CCDC40: variants seen among roughly 807,000 people sequenced by gnomAD.
CCDC40 encodes the protein coiled-coil domain-containing protein 40.
A neutral mutation model predicts 124.5 loss-of-function variants in CCDC40; 104 were observed. The ratio of observed to expected loss-of-function variants is 0.84; its 90% CI spans 0.71 to 0.98. The LOEUF (loss-of-function observed/expected upper bound fraction) is 0.98, where lower values mean the gene tolerates loss of function less well. Ranked by LOEUF, CCDC40 falls within the 50% of genes least tolerant of loss-of-function variation. The probability of loss-of-function intolerance (pLI) is 0.00; values close to 1 mark genes in which losing one functional copy is unlikely to be tolerated. For missense variants in CCDC40, 1,463 were observed against 1,503.9 expected, an observed-to-expected ratio of 0.97 and a Z score of 0.45; for synonymous variants, 580 against 602.9, an observed-to-expected ratio of 0.96 and a Z score of 0.56.
chr17:80,036,698 C>T lies in CCDC40; in HGVS notation c.29+7C>T. ...CGGGCGGCGCGGCGGGCCGGTAAGC[C>T]GGGCCGAGGGGCAGCGGGTCTTGGA... On this transcript the variant is annotated splice_region_variant and intron_variant, in intron 1 of 19. Transcript: ENST00000397545. 1 of 1,463,150 alleles carries T rather than the reference C, an allele frequency of 6.8e-7. No individual in the cohort carries two copies. The highest frequency in any genetic ancestry group is 9.0e-7 in the Non-Finnish European group (1 of 1,108,774). The allele number at this position is 1,463,150 out of a possible 1,614,324, so 90.6% of individuals were successfully genotyped here.
chr17:80,048,878 C>G (rs1403942237), intron 5 of CCDC40, 117 bp downstream of exon 5: 1 of 922,086 alleles, frequency 1.1e-6, no homozygotes, highest in Non-Finnish European at 1.7e-6. Context: ...TTGTATCTCG[C>G]CTGTTCACTG....
intron 10 of CCDC40, among the ~76,000 whole-genome samples, chr17:80,070,989 C>A (rs540571689): frequency 6.6e-6 from 1 of 152,310 alleles, no homozygotes; most frequent in South Asian, 2.1e-4. Context: ...CAAGACCAGA[C>A]CGGGCCTGCC....
chr17:80,067,308 C>T, intron 10 of CCDC40: 2 of 574,560 alleles, frequency 3.5e-6, no homozygotes, highest in South Asian at 4.5e-5. Context: ...ATCAGGTCTC[C>T]TCCTCCTCGG....
chr17:80,055,672 A>C (rs1241991396), intron 7 of CCDC40, among the ~76,000 whole-genome samples: 1 of 152,044 alleles, frequency 6.6e-6, no homozygotes, highest in Non-Finnish European at 1.5e-5. Context: ...AAATTTATTC[A>C]ACATAATTAT....
chr17:80,081,946 G>A lies in CCDC40; in HGVS notation c.1877G>A (p.Arg626Lys), dbSNP rs887097108. The change falls in exon 12 of 20, where the codon AGG (arginine) becomes AAG (lysine). Residue 626 changes from arginine (R) to lysine (K), a missense_variant. Arg to Lys is a conservative substitution (Grantham distance 26). Transcript: ENST00000397545. ...QAIQGELELR[R>K]KTDAAIREKL... ...ATCCAGGGCGAGCTGGAGCTCAGGA[G>A]GAAGACGGATGCTGCCATCCGGGAG... is the stretch of plus-strand genomic sequence containing the variant. 4 of 1,613,958 alleles carry A rather than the reference G, an allele frequency of 2.5e-6. No individual in the cohort carries two copies. Among genetic ancestry groups the A allele is most frequent in the Non-Finnish European group, 3.4e-6 (4 of 1,179,946 alleles).
intron 10 of CCDC40, among the ~76,000 whole-genome samples, chr17:80,072,826 G>C (rs899251352): frequency 6.6e-6 from 1 of 152,178 alleles, no homozygotes; most frequent in Non-Finnish European, 1.5e-5. Flanking sequence ...TCCACCAACT[G>C]ATGGACATTT....
chr17:80,047,398 G>A lies in CCDC40; in HGVS notation c.672G>A (p.Glu224=), dbSNP rs1443889974. The A allele has an allele frequency of 1.2e-6, 2 of 1,611,862 alleles. No individual in the cohort carries two copies. Among genetic ancestry groups the A allele is most frequent in the Non-Finnish European group, 1.7e-6 (2 of 1,179,338 alleles). The change falls in exon 4 of 20, where the codon GAG becomes GAA. Residue 224 remains glutamate (E), a synonymous_variant. Coordinates refer to ENST00000397545, the MANE Select transcript of CCDC40 (RefSeq NM_017950.4). ...ACCTGGAGGAGTTCGTCTCGCAGGA[G>A]CCAGGTGCCACCCACCTGCTGAGGT... ...SSDLEEFVSQ[E]PVIPPGVPDA... is the part of the protein sequence containing the mutation.
rs759324285 is a variant in CCDC40 at position 80,048,644 on chromosome 17, C to T, written c.738C>T (p.Asp246=). ...PREGDLPVFQ[D]QIQQPSTEEG... Reference sequence around the variant, plus strand: ...AAGGAGACCTGCCAGTGTTCCAGGACCAGATCCAGCAGCCCAGCACCGAGG... The same window carrying T: ...AAGGAGACCTGCCAGTGTTCCAGGATCAGATCCAGCAGCCCAGCACCGAGG... The change falls in exon 5 of 20, where the codon GAC becomes GAT. Residue 246 remains aspartate (D), a synonymous_variant. Transcript: ENST00000397545. 7.4e-6 allele frequency: 12 copies of T among 1,614,038 alleles called. No homozygotes were observed. Among genetic ancestry groups the T allele is most frequent in the Non-Finnish European group, 1.0e-5 (12 of 1,180,000 alleles).
chr17:80,075,566 C>T (rs2038292392), intron 10 of CCDC40, among the ~76,000 whole-genome samples: 1 of 152,162 alleles, frequency 6.6e-6, no homozygotes, highest in Non-Finnish European at 1.5e-5. Flanking sequence ...CATCTGCCGC[C>T]CGCCCCGGGT....
chr17:80,046,261 C>T (rs2037417473), intron 3 of CCDC40, among the ~76,000 whole-genome samples: 1 of 152,096 alleles, frequency 6.6e-6, no homozygotes, highest in Non-Finnish European at 1.5e-5. Context: ...GTGGTTCCCC[C>T]AGCTCACACC....
chr17:80,054,992 A>T (rs151318684), intron 7 of CCDC40, among the ~76,000 whole-genome samples: 32 of 152,144 alleles, frequency 2.1e-4, no homozygotes, highest in Admixed American at 4.6e-4. Flanking sequence ...AAAAATAAAT[A>T]AATCAAATAA....
chr17:80,069,539 C>A (rs986986700), intron 10 of CCDC40, among the ~76,000 whole-genome samples: 1 of 152,120 alleles, frequency 6.6e-6, no homozygotes, highest in African/African-American at 2.4e-5. Flanking sequence ...AGCTCAGGAG[C>A]TGGAGATTGA....
chr17:80,071,163 G>T (rs2038177169), intron 10 of CCDC40, among the ~76,000 whole-genome samples: 1 of 152,216 alleles, frequency 6.6e-6, no homozygotes, highest in Non-Finnish European at 1.5e-5. Flanking sequence ...CACTTAACTT[G>T]GAGGCAGATA....
Position 80,047,374 on chromosome 17 carries a change from C to T in CCDC40, c.648C>T (p.Asp216=), listed in dbSNP as rs375350606. The T allele has an allele frequency of 2.0e-4, 319 of 1,613,526 alleles. 1 individual carries two copies. The African/African-American group carries it at 3.9e-3, about 20-fold the overall frequency. ...ACGGGAGCGACATCGAGTCCTCAGA[C>T]CTGGAGGAGTTCGTCTCGCAGGAGC... The part of the protein sequence containing the change: ...LSHGSDIESS[D]LEEFVSQEPV... Residue 216 remains aspartate, a synonymous_variant, in exon 4 of 20, where the codon GAC becomes GAT. Transcript: ENST00000397545.
intron 7 of CCDC40, among the ~76,000 whole-genome samples, chr17:80,055,076 C>T (rs2037703199): frequency 6.6e-6 from 1 of 151,828 alleles, no homozygotes; most frequent in African/African-American, 2.4e-5. Flanking sequence ...ACTCATCATC[C>T]ATCCCAAAGT....
chr17:80,050,338 G>A, intron 7 of CCDC40, 55 bp downstream of exon 7: 3 of 1,371,852 alleles, frequency 2.2e-6, no homozygotes, highest in Non-Finnish European at 3.0e-6. Context: ...TTTCCCAGGG[G>A]TGTCTCCATG....
chr17:80,051,101 G>T (rs1231965731), intron 7 of CCDC40, among the ~76,000 whole-genome samples: 4 of 152,212 alleles, frequency 2.6e-5, no homozygotes, highest in Admixed American at 1.3e-4. Flanking sequence ...GGTGACCGGG[G>T]ACAGTGGCTT....
chr17:80,075,505 T>C (rs994212087), intron 10 of CCDC40, among the ~76,000 whole-genome samples: 24 of 152,314 alleles, frequency 1.6e-4, no homozygotes, highest in African/African-American at 5.1e-4. Context: ...TCCCCGCTCA[T>C]GGTCAGGTTA....
intron 18 of CCDC40, among the ~76,000 whole-genome samples, chr17:80,097,030 T>C (rs181314625): frequency 1.3e-5 from 2 of 152,300 alleles, no homozygotes; most frequent in East Asian, 3.9e-4. Flanking sequence ...CCCCCATCTC[T>C]CTGCCACACC....
Sources: allele counts gnomAD v4.1 joint callset (sites outside exome capture counted in the v4.1 genomes callset), GRCh38; gene constraint gnomAD v4.1.1; transcripts MANE v1.5; gene names NCBI Gene and HGNC (gene_info 2026-07-23, HGNC 2026-07-21).